The following PHF3 variants were observed in gnomAD, a reference collection of about 807,000 sequenced individuals.
PHF3 encodes PHD finger protein 3.
PHF3 carries 41 observed loss-of-function variants against 178.4 expected under a neutral mutation model. The ratio of observed to expected loss-of-function variants is 0.23; its 90% CI spans 0.18 to 0.30. The LOEUF (loss-of-function observed/expected upper bound fraction) is 0.30. PHF3 is among the 10% of genes least tolerant of loss of function. The pLI is 1.00. For synonymous variants in PHF3, 842 were observed against 800.5 expected (o/e 1.05, Z -0.88); for missense variants, 2,346 against 2,398.1 (o/e 0.98, Z 0.45).
Position 63,712,299 on chromosome 6 carries a change from G to A in PHF3, c.4711G>A (p.Ala1571Thr), listed in dbSNP as rs1290163738. Residue 1571 changes from alanine to threonine, a missense_variant, in exon 16 of 16, where the codon GCA becomes ACA. Coordinates refer to ENST00000262043, the MANE Select transcript of PHF3 (RefSeq NM_001370348.2). ...TAAGCCACCAGATGTTTCTACAGAA[G>A]CATTTTTAACAAATTTATCAATTCA... is the stretch of plus-strand genomic sequence containing the variant. ...RGKPPDVSTEAFLTNLSIQSK... is the reference protein window; with the variant it reads ...RGKPPDVSTETFLTNLSIQSK... The A allele has an allele frequency of 6.2e-7, 1 of 1,613,048 alleles. No homozygotes were observed. The highest frequency in any genetic ancestry group is 8.5e-7 in the Non-Finnish European group (1 of 1,179,694).
At chr6:63,671,760 T>C (rs1765926209) in intron 2 of PHF3, among the ~76,000 whole-genome samples, 1 of 152,224 alleles carries the variant, frequency 6.6e-6, no homozygotes, top group Non-Finnish European at 1.5e-5. Context: ...TTTTGTTTTG[T>C]TTTTGAGACG....
intron 1 of PHF3, 89 bp downstream of exon 1, chr6:63,636,239 C>A: frequency 3.3e-6 from 1 of 307,084 alleles, no homozygotes; most frequent in Non-Finnish European, 6.0e-6. Context: ...CCGCGGGCCT[C>A]TCCGCCCCTC....
chr6:63,652,349 A>G (rs1356554284), intron 2 of PHF3, among the ~76,000 whole-genome samples: 1 of 152,082 alleles, frequency 6.6e-6, no homozygotes, highest in Non-Finnish European at 1.5e-5. Flanking sequence ...ATTTTGAAAG[A>G]TGTCTTTTCA....
intron 2 of PHF3, among the ~76,000 whole-genome samples, chr6:63,662,725 G>A (rs1423716814): frequency 6.6e-6 from 1 of 152,172 alleles, no homozygotes; most frequent in East Asian, 1.9e-4. Flanking sequence ...AATCGTGAAT[G>A]ACAAATTAGT....
intron 5 of PHF3, among the ~76,000 whole-genome samples, chr6:63,693,938 A>G (rs1305276161): frequency 1.3e-5 from 2 of 152,244 alleles, no homozygotes; most frequent in African/African-American, 4.8e-5. Flanking sequence ...GTCTAGTTGC[A>G]GACAAAAACC....
intron 2 of PHF3, among the ~76,000 whole-genome samples, chr6:63,659,528 C>CTG (rs1265986714): frequency 1.3e-5 from 2 of 152,120 alleles, no homozygotes; most frequent in African/African-American, 4.8e-5. Context: ...GTACCAAATA[C>CTG]TGTGCAAAAC....
intron 10 of PHF3, 31 bp downstream of exon 10, chr6:63,702,670 CAA>C (rs1767524756): frequency 6.4e-7 from 1 of 1,562,242 alleles, no homozygotes; most frequent in Non-Finnish European, 8.7e-7. Flanking sequence ...TTTTATAGCT[CAA>C]AACATGAAGA....
Position 63,716,974 on chromosome 6 carries a change from T to G in PHF3, c.*3266T>G, listed in dbSNP as rs1768209460. Among the ~76,000 whole-genome samples, 1 of 152,070 alleles carries G rather than the reference T, an allele frequency of 6.6e-6. No individual in the cohort carries two copies. Among genetic ancestry groups the G allele is most frequent in the South Asian group, 2.1e-4 (1 of 4,836 alleles). Reference sequence around the variant, plus strand: ...ACATATTTACAGGTGTTCCAAGGATTGGGGTGTAGACATCTTTTGGGGGAT... The same window carrying G: ...ACATATTTACAGGTGTTCCAAGGATGGGGGTGTAGACATCTTTTGGGGGAT... On this transcript the variant is annotated 3_prime_UTR_variant, in exon 16 of 16. Transcript: ENST00000262043.
chr6:63,721,087 TA>T lies in PHF3; in HGVS notation c.*7380del. The T allele has an allele frequency of 6.4e-7, 1 of 1,551,384 alleles. No homozygotes were observed. Among genetic ancestry groups the T allele is most frequent in the African/African-American group, 1.4e-5 (1 of 73,164 alleles). On this transcript the variant is annotated 3_prime_UTR_variant, in exon 16 of 16. Transcript: ENST00000262043. ...TTAGTGGTACTGAAATTTAAGGATA[TA>T]GTAGTGAACTGGAGGTTTCTCATTC... is the stretch of plus-strand genomic sequence containing the variant.
At chr6:63,673,552 T>C (rs1766019672) in intron 2 of PHF3, among the ~76,000 whole-genome samples, 1 of 152,326 alleles carries the variant, frequency 6.6e-6, no homozygotes, top group African/African-American at 2.4e-5. Flanking sequence ...TGTCTGTTTG[T>C]TAAGGTTAAT....
chr6:63,699,571 A>G (rs576412139), intron 8 of PHF3, among the ~76,000 whole-genome samples: 88 of 151,994 alleles, frequency 5.8e-4, no homozygotes, highest in African/African-American at 2.0e-3. Flanking sequence ...GCAATTAAAT[A>G]AAGATTTATT....
intron 2 of PHF3, among the ~76,000 whole-genome samples, chr6:63,666,495 C>T (rs909378455): frequency 1.2e-4 from 18 of 151,128 alleles, no homozygotes; most frequent in African/African-American, 3.7e-4. Flanking sequence ...AGAGTCATTC[C>T]GCGGTATCCA....
intron 13 of PHF3, 45 bp from the exon 14 acceptor site, chr6:63,709,100 AATAAAG>A: frequency 1.1e-6 from 1 of 932,452 alleles, no homozygotes; most frequent in Non-Finnish European, 1.6e-6. Flanking sequence ...CTAATGTCAT[AATAAAG>A]ATAATCTATA....
chr6:63,709,258 C>T lies in PHF3; in HGVS notation c.3801+18C>T. On this transcript the variant is annotated intron_variant, in intron 14 of 15. Coordinates refer to ENST00000262043, the MANE Select transcript of PHF3 (RefSeq NM_001370348.2). The stretch of plus-strand genomic sequence containing the variant: ...GAACCAAGGTGAGGAAAACTTTTTT[C>T]ACTATACCAGCATGGGAAAATGTTT... 2.9e-5 allele frequency: 42 copies of T among 1,448,780 alleles called. No homozygotes were observed. Among genetic ancestry groups the T allele is most frequent in the Non-Finnish European group, 4.0e-5 (41 of 1,032,726 alleles). The allele number at this position is 1,448,780 out of a possible 1,614,324, so 89.7% of individuals were successfully genotyped here. A position where few individuals can be genotyped will look rare whatever the true frequency, so the allele number is the denominator to read the frequency against.
chr6:63,713,961 ATTTGT>A lies in PHF3; in HGVS notation c.*257_*261del, dbSNP rs1474682959. 13 of 328,350 alleles carry A rather than the reference ATTTGT, an allele frequency of 4.0e-5. No individual in the cohort carries two copies. The highest frequency in any genetic ancestry group is 4.3e-5 in the African/African-American group (2 of 46,892). The allele number at this position is 328,350 out of a possible 1,614,324, so 20.3% of individuals were successfully genotyped here. On this transcript the variant is annotated 3_prime_UTR_variant, in exon 16 of 16. Coordinates refer to ENST00000262043, the MANE Select transcript of PHF3 (RefSeq NM_001370348.2). ...GTTTTACATTGCTGTATATTCAAAG[ATTTGT>A]TTTATTAATATGCAATAAAGGCTTA...
intron 8 of PHF3, among the ~76,000 whole-genome samples, chr6:63,698,875 TA>T (rs1767349933): frequency 6.6e-6 from 1 of 152,172 alleles, no homozygotes; most frequent in Non-Finnish European, 1.5e-5. Flanking sequence ...TACAATTTAT[TA>T]AAAAATTCAT....
intron 13 of PHF3, 37 bp from the exon 14 acceptor site, chr6:63,709,112 CTA>C (rs1316069799): frequency 3.8e-6 from 4 of 1,047,554 alleles, no homozygotes; most frequent in Non-Finnish European, 5.6e-6. Context: ...TAAAGATAAT[CTA>C]TATATATTGA....
intron 4 of PHF3, among the ~76,000 whole-genome samples, chr6:63,691,305 G>C (rs1217062634): frequency 2.6e-5 from 4 of 152,092 alleles, no homozygotes; most frequent in Non-Finnish European, 4.4e-5. Flanking sequence ...TTTTATATGT[G>C]ATGTCACGTC....
rs772300535 is a variant in PHF3 at position 63,691,928 on chromosome 6, A to C, written c.2381A>C (p.His794Pro). 36 of 1,613,798 alleles carry C rather than the reference A, an allele frequency of 2.2e-5. No individual in the cohort carries two copies. Among genetic ancestry groups the C allele is most frequent in the Non-Finnish European group, 3.1e-5 (36 of 1,179,876 alleles). Residue 794 changes from histidine (H) to proline (P), a missense_variant, in exon 5 of 16, where the codon CAT becomes CCT. Coordinates refer to ENST00000262043, the MANE Select transcript of PHF3 (RefSeq NM_001370348.2). ...TLENQATVEFHSGDKTMECEK... is the reference protein window; with the variant it reads ...TLENQATVEFPSGDKTMECEK... ...GAAAACCAAGCTACAGTTGAATTCC[A>C]TAGTGGAGATAAAACAATGGAGTGT...
Sources: gnomAD v4.1 joint callset for allele counts (sites outside exome capture counted in the v4.1 genomes callset) on GRCh38, gnomAD v4.1.1 for gene constraint, MANE v1.5 for transcripts, NCBI Gene and HGNC (gene_info 2026-07-23, HGNC 2026-07-21) for gene names.